The following DCC variants were observed in gnomAD, a reference collection of about 807,000 sequenced individuals.
DCC encodes the protein netrin receptor DCC.
DCC carries 58 observed loss-of-function variants against 172.5 expected under a neutral mutation model. The observed-to-expected ratio is 0.34, with a 90% CI of 0.27 to 0.42. The LOEUF (loss-of-function observed/expected upper bound fraction) is 0.42. Among genes scored for constraint, DCC ranks in the 10% least tolerant of loss-of-function variants. DCC has a pLI of 1.00. For synonymous variants in DCC, 709 were observed against 644.5 expected (o/e 1.10, Z -1.52); for missense variants, 1,740 against 1,791.0 (o/e 0.97, Z 0.51).
At chr18:53,396,746 G>A (rs758895128) in intron 17 of DCC, among the ~76,000 whole-genome samples, 12 of 152,058 alleles carry the variant, frequency 7.9e-5, no homozygotes, top group Non-Finnish European at 1.2e-4. Flanking sequence ...AATTAACTTC[G>A]TTACAAGTGG....
At chr18:53,157,230 T>A (rs539544370) in intron 7 of DCC, 126 bp from the exon 8 acceptor site, 2 of 1,178,090 alleles carry the variant, frequency 1.7e-6, no homozygotes, top group Admixed American at 3.4e-5. Context: ...CTTGGTTTTC[T>A]TCCTTGCTTT....
intron 3 of DCC, among the ~76,000 whole-genome samples, chr18:52,913,736 G>A (rs913775737): frequency 4.6e-5 from 7 of 152,002 alleles, no homozygotes; most frequent in African/African-American, 1.7e-4. Flanking sequence ...ACTTATGAAT[G>A]TGATATTTAA....
intron 2 of DCC, among the ~76,000 whole-genome samples, chr18:52,810,357 C>T (rs2038170980): frequency 6.6e-6 from 1 of 152,102 alleles, no homozygotes. Flanking sequence ...CTGGTGATGC[C>T]CTACCTGGGC....
intron 12 of DCC, among the ~76,000 whole-genome samples, chr18:53,279,092 A>G (rs1188573092): frequency 6.6e-6 from 1 of 152,132 alleles, no homozygotes; most frequent in Non-Finnish European, 1.5e-5. Flanking sequence ...TGGCTTTTCA[A>G]TGATCGCCAT....
rs143427180 is a variant in DCC at position 53,017,223 on chromosome 18, C to T, written c.986-46082C>T. Among the ~76,000 whole-genome samples, 56 of 152,064 alleles carry T rather than the reference C, an allele frequency of 3.7e-4. 1 individual carries two copies. The East Asian group carries it at 7.8e-3, about 21-fold the overall frequency. ...CCCGCGTAGCTGGGACTACAGGCGCCCGCCAAAGTTGGGTGAAGGGTTTAC... is the reference window on the plus strand; with the variant it reads ...CCCGCGTAGCTGGGACTACAGGCGCTCGCCAAAGTTGGGTGAAGGGTTTAC... On this transcript the variant is annotated intron_variant, in intron 5 of 28. Transcript: ENST00000442544.
At chr18:53,104,979 C>A (rs981710794) in intron 7 of DCC, among the ~76,000 whole-genome samples, 1 of 152,022 alleles carries the variant, frequency 6.6e-6, no homozygotes, top group Non-Finnish European at 1.5e-5. Flanking sequence ...TAATTCCCAT[C>A]TGTGATTATG....
chr18:53,013,237 C>T (rs2041756694), intron 5 of DCC, among the ~76,000 whole-genome samples: 1 of 151,990 alleles, frequency 6.6e-6, no homozygotes, highest in South Asian at 2.1e-4. Flanking sequence ...TCTATAAAGA[C>T]ACATGCACAC....
At chr18:53,278,763 C>T (rs528347129) in intron 12 of DCC, among the ~76,000 whole-genome samples, 4 of 152,278 alleles carry the variant, frequency 2.6e-5, no homozygotes, top group African/African-American at 9.6e-5. Flanking sequence ...AAATGCTTTA[C>T]ATCCATTGTC....
chr18:52,852,028 GATTTT>G (rs2038982965), intron 2 of DCC, among the ~76,000 whole-genome samples: 1 of 151,990 alleles, frequency 6.6e-6, no homozygotes, highest in African/African-American at 2.4e-5. Flanking sequence ...ATTCAAAATA[GATTTT>G]ATTTTTCCAA....
chr18:52,973,768 G>A (rs752392340), intron 5 of DCC, among the ~76,000 whole-genome samples: 67 of 152,306 alleles, frequency 4.4e-4, no homozygotes, highest in Middle Eastern at 6.8e-3. Flanking sequence ...TGTGAATAGA[G>A]AAGAGGATGC....
intron 3 of DCC, among the ~76,000 whole-genome samples, chr18:52,907,035 G>A (rs1238668877): frequency 1.3e-5 from 2 of 151,604 alleles, no homozygotes; most frequent in Admixed American, 1.3e-4. Flanking sequence ...AATAACCAGT[G>A]ACAACACTTA....
chr18:53,195,691 T>A (rs903168146), intron 9 of DCC, among the ~76,000 whole-genome samples: 1 of 152,158 alleles, frequency 6.6e-6, no homozygotes, highest in African/African-American at 2.4e-5. Flanking sequence ...CCTCCTGATG[T>A]GTCCTGTCTC....
At chr18:53,432,398 A>G (rs1911674459) in intron 21 of DCC, among the ~76,000 whole-genome samples, 2 of 152,164 alleles carry the variant, frequency 1.3e-5, no homozygotes, top group Non-Finnish European at 2.9e-5. Flanking sequence ...TGTAGTAAGC[A>G]TTTAATAAAT....
intron 2 of DCC, among the ~76,000 whole-genome samples, chr18:52,861,738 A>C (rs1033998888): frequency 6.6e-6 from 1 of 152,206 alleles, no homozygotes; most frequent in African/African-American, 2.4e-5. Context: ...TTGGGTTAGC[A>C]ATATTTATGA....
chr18:53,271,195 G>C (rs995591694), intron 12 of DCC, among the ~76,000 whole-genome samples: 1 of 152,138 alleles, frequency 6.6e-6, no homozygotes, highest in Non-Finnish European at 1.5e-5. Flanking sequence ...ATCTAGAAAA[G>C]TGCTATTGAA....
intron 5 of DCC, among the ~76,000 whole-genome samples, chr18:52,964,569 G>T (rs766077600): frequency 6.6e-6 from 1 of 151,964 alleles, no homozygotes; most frequent in African/African-American, 2.4e-5. Flanking sequence ...GGGACTGTGG[G>T]TACTATTTTC....
rs75228335 is a variant in DCC at position 52,380,165 on chromosome 18, C to G, written c.91+39287C>G. On this transcript the variant is annotated intron_variant, in intron 1 of 28. Transcript: ENST00000442544. ...CTAATCCATTCATGATGGAGGATCC[C>G]TCATGACCTAGTCACTTCCCCAAAA... Among the ~76,000 whole-genome samples, 1,403 of 152,138 alleles carry G rather than the reference C, an allele frequency of 9.2e-3. 20 individuals carry two copies. Among genetic ancestry groups the G allele is most frequent in the African/African-American group, 0.028 (1,152 of 41,512 alleles).
intron 1 of DCC, among the ~76,000 whole-genome samples, chr18:52,715,791 C>T (rs1302608135): frequency 6.6e-6 from 1 of 152,160 alleles, no homozygotes; most frequent in African/African-American, 2.4e-5. Flanking sequence ...CTTCCCACCC[C>T]TGTCACCCAC....
intron 5 of DCC, among the ~76,000 whole-genome samples, chr18:53,056,331 C>T (rs992112917): frequency 6.6e-6 from 1 of 152,066 alleles, no homozygotes; most frequent in African/African-American, 2.4e-5. Context: ...CAGTCATCTC[C>T]CACCAGATCC....
Sources: allele counts gnomAD v4.1 joint callset (sites outside exome capture counted in the v4.1 genomes callset), GRCh38; gene constraint gnomAD v4.1.1; transcripts MANE v1.5; gene names NCBI Gene and HGNC (gene_info 2026-07-23, HGNC 2026-07-21).